CTTN: variants seen among roughly 807,000 people sequenced by gnomAD.
The protein encoded by CTTN is src substrate cortactin.
A neutral mutation model predicts 84.0 loss-of-function variants in CTTN; 28 were observed. The ratio of observed to expected loss-of-function variants is 0.33; its 90% CI spans 0.25 to 0.46. The LOEUF is 0.46. Ranked by LOEUF, CTTN falls within the 20% of genes least tolerant of loss-of-function variation. The pLI is 1.00. For missense variants in CTTN, 641 were observed against 723.8 expected (o/e 0.89, Z 1.31); for synonymous variants, 301 against 288.8 (o/e 1.04, Z -0.43).
At chr11:70,423,560 C>G (rs1033436320) in intron 12 of CTTN, among the ~76,000 whole-genome samples, 1 of 152,218 alleles carries the variant, frequency 6.6e-6, no homozygotes, top group African/African-American at 2.4e-5. Flanking sequence ...AGCAGGTGTT[C>G]GGGCTGGGCT....
At chr11:70,419,967 C>G (rs2058211656) in intron 9 of CTTN, 111 bp downstream of exon 9, 5 of 779,642 alleles carry the variant, frequency 6.4e-6, no homozygotes, top group Non-Finnish European at 8.3e-6. Flanking sequence ...ACGTAGATGT[C>G]TCTTTTTCAT....
At chr11:70,418,770 A>G (rs570509527) in intron 8 of CTTN, among the ~76,000 whole-genome samples, 1 of 150,100 alleles carries the variant, frequency 6.7e-6, no homozygotes, top group East Asian at 1.9e-4. Context: ...CATCTGCTGT[A>G]CTTTATTTCT....
intron 14 of CTTN, 146 bp from the exon 15 acceptor site, chr11:70,431,045 G>C (rs2135595138): frequency 2.6e-6 from 2 of 772,304 alleles, no homozygotes; most frequent in Middle Eastern, 2.5e-4. Context: ...GAGGCTTGGT[G>C]CTCCAGCTCA....
intron 11 of CTTN, chr11:70,422,383 A>G (rs2058247542): frequency 1.5e-6 from 1 of 650,214 alleles, no homozygotes; most frequent in Non-Finnish European, 2.4e-6. Context: ...CTGCATGGAG[A>G]TGGCAGTGGC....
At position 70,435,106 on chromosome 11, in the gene CTTN, G is replaced by C. The variant is rs1376592558; in HGVS notation, c.1597G>C (p.Val533Leu). The C allele has an allele frequency of 1.2e-6, 2 of 1,613,912 alleles. No individual in the cohort carries two copies. The highest frequency in any genetic ancestry group is 1.7e-6 in the Non-Finnish European group (2 of 1,180,028). ...GATTGACGACGGCTGGTGGCGCGGG[G>C]TGTGCAAGGGCCGGTACGGGCTCTT... ...EMIDDGWWRG[V>L]CKGRYGLFPA... is the part of the protein sequence containing the mutation. Residue 533 changes from valine to leucine, a missense_variant, in exon 18 of 18, where the codon GTG (valine) becomes CTG (leucine). Transcript: ENST00000301843.
chr11:70,411,761 C>G (rs1414615622), intron 5 of CTTN, among the ~76,000 whole-genome samples: 6 of 152,168 alleles, frequency 3.9e-5, no homozygotes, highest in Admixed American at 1.3e-4. Flanking sequence ...CAGGAGCTCC[C>G]TGGAAGAGCC....
intron 7 of CTTN, among the ~76,000 whole-genome samples, chr11:70,416,468 G>C (rs2058162006): frequency 6.6e-6 from 1 of 152,108 alleles, no homozygotes; most frequent in South Asian, 2.1e-4. Flanking sequence ...GTCTCGCTCT[G>C]TTGCCCAGGC....
intron 13 of CTTN, among the ~76,000 whole-genome samples, chr11:70,425,743 G>T (rs747516925): frequency 6.6e-6 from 1 of 152,164 alleles, no homozygotes; most frequent in African/African-American, 2.4e-5. Flanking sequence ...TCCCTGAGCC[G>T]CTCGGTCGCA....
intron 5 of CTTN, 51 bp downstream of exon 5, chr11:70,410,011 T>C (rs778742399): frequency 6.2e-7 from 1 of 1,601,234 alleles, no homozygotes; most frequent in Non-Finnish European, 8.5e-7. Context: ...CTTGGACCAC[T>C]AGACTGGGTG....
intron 10 of CTTN, 36 bp from the exon 11 acceptor site, chr11:70,421,434 T>C: frequency 1.4e-6 from 2 of 1,427,080 alleles, no homozygotes; most frequent in African/African-American, 1.4e-5. Context: ...TTTCCTCTTT[T>C]GGTTGTTTTC....
chr11:70,429,123 G>A lies in CTTN; in HGVS notation c.1100G>A (p.Arg367Gln), dbSNP rs138021614. Residue 367 changes from arginine to glutamine, a missense_variant, in exon 14 of 18, where the codon CGG becomes CAG. This residue lies in a region of CTTN where 289 missense variants were observed against 273.1 expected (regional missense o/e 1.06). Coordinates refer to ENST00000301843, the MANE Select transcript of CTTN (RefSeq NM_005231.4). Reference sequence around the variant, plus strand: ...AAGGAGAAAGAGCAGGAGGACAGGCGGAAGGCGGAGGCGGAGAGAGCCCAG... The same window carrying A: ...AAGGAGAAAGAGCAGGAGGACAGGCAGAAGGCGGAGGCGGAGAGAGCCCAG... ...LAKEKEQEDR[R>Q]KAEAERAQRM... 5.6e-6 allele frequency: 9 copies of A among 1,614,148 alleles called. No individual in the cohort carries two copies. The highest frequency in any genetic ancestry group is 1.7e-4 in the Middle Eastern group (1 of 6,010).
intron 1 of CTTN, among the ~76,000 whole-genome samples, chr11:70,398,849 C>T (rs1235762938): frequency 1.5e-5 from 2 of 130,714 alleles, no homozygotes; most frequent in African/African-American, 5.8e-5. Context: ...CCAAGGAGGC[C>T]GGGCAGGGGG....
In CTTN at chr11:70,411,550, A is replaced by G. The variant is rs2058096728; in HGVS notation, c.291+1590A>G. ...GTGCTTAGGGGGCTTGTGGGGAGTT[A>G]GCGCAGAGAGACATTTATTCTAAAA... is the stretch of plus-strand genomic sequence containing the variant. On this transcript the variant is annotated intron_variant, in intron 5 of 17. Coordinates refer to ENST00000301843, the MANE Select transcript of CTTN (RefSeq NM_005231.4). Among the ~76,000 whole-genome samples, 3 of 152,226 alleles carry G rather than the reference A, an allele frequency of 2.0e-5. No individual in the cohort carries two copies. In the South Asian group the frequency reaches 6.2e-4, roughly 31 times the overall value.
intron 12 of CTTN, among the ~76,000 whole-genome samples, chr11:70,424,956 A>G (rs568200287): frequency 1.3e-5 from 2 of 152,194 alleles, no homozygotes; most frequent in East Asian, 3.9e-4. Flanking sequence ...ACCACTGGGT[A>G]GTGTGTAGGA....
intron 2 of CTTN, among the ~76,000 whole-genome samples, chr11:70,407,077 T>G (rs1456715175): frequency 6.6e-6 from 1 of 152,222 alleles, no homozygotes; most frequent in Non-Finnish European, 1.5e-5. Context: ...TCCAGTATAT[T>G]TCTGACGTCA....
rs1006820129 is a variant in CTTN, at chr11:70,428,184, T to G, written c.1028-867T>G. ...TTTTTTTTTTTTTTTTTTTTTTTTT[T>G]GAGACAGAGTCTCGCTCTGTCGCGA... On this transcript the variant is annotated intron_variant, in intron 13 of 17. Transcript: ENST00000301843. Among the ~76,000 whole-genome samples, 199 of 83,808 alleles carry G rather than the reference T, an allele frequency of 2.4e-3. 3 individuals carry two copies. The highest frequency in any genetic ancestry group is 9.7e-3 in the African/African-American group (188 of 19,470). The allele number at this position is 83,808 out of a possible 152,430, so 55.0% of individuals were successfully genotyped here.
At chr11:70,409,631 T>TACTGCAG (rs1253686201) in intron 4 of CTTN, among the ~76,000 whole-genome samples, 200 bp from the exon 5 acceptor site, 1 of 152,226 alleles carries the variant, frequency 6.6e-6, no homozygotes, top group East Asian at 1.9e-4. Context: ...ATGCGTCTGA[T>TACTGCAG]ACTGCAGACT....
At chr11:70,416,574 G>A (rs2058164009) in intron 7 of CTTN, among the ~76,000 whole-genome samples, 1 of 152,078 alleles carries the variant, frequency 6.6e-6, no homozygotes, top group Admixed American at 6.6e-5. Flanking sequence ...TGGGATTACA[G>A]GTGTGTGCCA....
intron 1 of CTTN, among the ~76,000 whole-genome samples, chr11:70,404,152 G>T (rs929823897): frequency 6.6e-6 from 1 of 152,232 alleles, no homozygotes; most frequent in Non-Finnish European, 1.5e-5. Context: ...AAGGGAACTG[G>T]GGAGAGAGAT....
Sources: gnomAD v4.1 joint callset for allele counts (sites outside exome capture counted in the v4.1 genomes callset) on GRCh38, gnomAD v4.1.1 for gene constraint, gnomAD v4.1.1 regional missense constraint, MANE v1.5 for transcripts, NCBI Gene and HGNC (gene_info 2026-07-23, HGNC 2026-07-21) for gene names.